Variants in GPC6 observed in about 807,000 individuals in gnomAD.
GPC6 encodes glypican 6.
In GPC6, 14 loss-of-function variants were observed where a neutral mutation model predicts 55.2. The observed-to-expected ratio is 0.25, with a 90% confidence interval of 0.17 to 0.40. The LOEUF (loss-of-function observed/expected upper bound fraction) is 0.40. Ranked by LOEUF, GPC6 falls within the 10% of genes least tolerant of loss-of-function variation. The pLI, the probability that GPC6 is intolerant of heterozygous loss-of-function variation, is 1.00. For missense variants in GPC6, 641 were observed against 708.5 expected, an observed-to-expected ratio of 0.90 and a Z score of 1.08; for synonymous variants, 278 against 259.6, an observed-to-expected ratio of 1.07 and a Z score of -0.68.
chr13:93,279,320 T>C (rs573989453), intron 1 of GPC6, among the ~76,000 whole-genome samples: 1 of 152,314 alleles, frequency 6.6e-6, no homozygotes, highest in South Asian at 2.1e-4. Context: ...TTGAGAACTA[T>C]TGTTCTGGAG....
chr13:93,975,759 A>G (rs914783426), intron 3 of GPC6, among the ~76,000 whole-genome samples: 4 of 152,104 alleles, frequency 2.6e-5, no homozygotes, highest in Non-Finnish European at 5.9e-5. Flanking sequence ...AATGCCATTT[A>G]CATATTTCTC....
At chr13:94,111,952 A>G (rs1030737012) in intron 4 of GPC6, among the ~76,000 whole-genome samples, 2 of 152,132 alleles carry the variant, frequency 1.3e-5, no homozygotes, top group African/African-American at 4.8e-5. Flanking sequence ...TCCTCACATA[A>G]GAGATGCTGA....
intron 3 of GPC6, among the ~76,000 whole-genome samples, chr13:93,856,902 T>A (rs560885421): frequency 4.6e-5 from 7 of 151,764 alleles, no homozygotes; most frequent in Admixed American, 2.6e-4. Context: ...CCAAATTTCT[T>A]GTGGATTTAA....
intron 3 of GPC6, among the ~76,000 whole-genome samples, chr13:93,936,395 A>ATGTGTG (rs138841350): frequency 6.6e-6 from 1 of 151,140 alleles, no homozygotes; most frequent in African/African-American, 2.4e-5. Context: ...GTGTGCGGGC[A>ATGTGTG]TGTGTGTGTG....
intron 4 of GPC6, among the ~76,000 whole-genome samples, chr13:94,257,981 T>A (rs1037836550): frequency 6.6e-6 from 1 of 152,142 alleles, no homozygotes; most frequent in Non-Finnish European, 1.5e-5. Context: ...AGGCAGAGAA[T>A]CCCAATATAG....
rs559274774 is a variant in GPC6, at chr13:94,134,566, C to T, written c.877+106672C>T. 2.6e-4 allele frequency among the ~76,000 whole-genome samples: 40 copies of T among 152,292 alleles called. No homozygotes were observed. In the South Asian group the frequency reaches 7.7e-3, roughly 29 times the overall value. ...ATTAGTTTTACAAATTACCACATTA[C>T]TCATAAATGAGGTGTCCTCCTAATA... is the stretch of plus-strand genomic sequence containing the variant. On this transcript the variant is annotated intron_variant, in intron 4 of 8. Transcript: ENST00000377047.
chr13:93,910,579 G>C (rs1281441335), intron 3 of GPC6, among the ~76,000 whole-genome samples: 1 of 151,976 alleles, frequency 6.6e-6, no homozygotes, highest in Non-Finnish European at 1.5e-5. Context: ...TTTATCCACG[G>C]TTTATCACCA....
chr13:93,904,543 A>G (rs990277323), intron 3 of GPC6, among the ~76,000 whole-genome samples: 1 of 152,138 alleles, frequency 6.6e-6, no homozygotes, highest in African/African-American at 2.4e-5. Context: ...TGGGACCACC[A>G]GCCTGAGCAA....
At chr13:93,451,381 G>T (rs545064437) in intron 1 of GPC6, among the ~76,000 whole-genome samples, 1 of 152,338 alleles carries the variant, frequency 6.6e-6, no homozygotes, top group African/African-American at 2.4e-5. Context: ...ACTATGGCCT[G>T]TGGGCTAAAT....
At chr13:93,764,177 G>A (rs1020218704) in intron 2 of GPC6, among the ~76,000 whole-genome samples, 1 of 152,018 alleles carries the variant, frequency 6.6e-6, no homozygotes, top group Non-Finnish European at 1.5e-5. Context: ...CTATATGTTA[G>A]ACCCTTTGCT....
intron 6 of GPC6, among the ~76,000 whole-genome samples, chr13:94,309,022 A>G (rs988666819): frequency 1.3e-5 from 2 of 152,242 alleles, no homozygotes; most frequent in African/African-American, 2.4e-5. Flanking sequence ...CCTGTCATCC[A>G]TTACAGCCTA....
chr13:93,952,426 A>G (rs1171466984), intron 3 of GPC6, among the ~76,000 whole-genome samples: 4 of 152,124 alleles, frequency 2.6e-5, no homozygotes, highest in Admixed American at 1.3e-4. Flanking sequence ...AAAAATGTAT[A>G]TAACTTCTTG....
chr13:93,801,942 A>T (rs1273935357), intron 2 of GPC6, among the ~76,000 whole-genome samples: 1 of 152,118 alleles, frequency 6.6e-6, no homozygotes, highest in Non-Finnish European at 1.5e-5. Context: ...AATGTTCTGA[A>T]TCTTCTTCAT....
chr13:93,819,018 A>T (rs1011928119), intron 2 of GPC6, among the ~76,000 whole-genome samples: 1 of 152,176 alleles, frequency 6.6e-6, no homozygotes, highest in Non-Finnish European at 1.5e-5. Context: ...TATACAAGAT[A>T]TACTGGTACC....
intron 3 of GPC6, among the ~76,000 whole-genome samples, chr13:93,896,986 T>C (rs1474604507): frequency 2.0e-5 from 1 of 49,904 alleles, no homozygotes; most frequent in Non-Finnish European, 3.5e-5. Context: ...CTCATTATTC[T>C]TTTTTTTTTT....
chr13:93,502,802 G>A (rs1029639061), intron 1 of GPC6, among the ~76,000 whole-genome samples: 1 of 151,946 alleles, frequency 6.6e-6, no homozygotes, highest in Non-Finnish European at 1.5e-5. Context: ...CTCCTACCAC[G>A]GTTAGCTTCA....
chr13:94,298,380 G>C (rs1438746272), intron 5 of GPC6, among the ~76,000 whole-genome samples: 2 of 152,200 alleles, frequency 1.3e-5, no homozygotes, highest in East Asian at 3.8e-4. Flanking sequence ...CCCTAGCTCT[G>C]TGCTTAACCT....
At chr13:93,981,259 A>G (rs907472649) in intron 3 of GPC6, among the ~76,000 whole-genome samples, 3 of 152,144 alleles carry the variant, frequency 2.0e-5, no homozygotes, top group African/African-American at 4.8e-5. Context: ...TTATCTGATG[A>G]GCCCATTGTA....
intron 1 of GPC6, among the ~76,000 whole-genome samples, chr13:93,458,004 G>T (rs1485207516): frequency 6.6e-6 from 1 of 152,140 alleles, no homozygotes; most frequent in African/African-American, 2.4e-5. Flanking sequence ...AATGGAAGGT[G>T]CATCTTTATG....
Sources: allele counts gnomAD v4.1 joint callset (sites outside exome capture counted in the v4.1 genomes callset), GRCh38; gene constraint gnomAD v4.1.1; transcripts MANE v1.5; gene names NCBI Gene and HGNC (gene_info 2026-07-23, HGNC 2026-07-21).